ATP7B: variants seen among roughly 807,000 people sequenced by gnomAD.
ATP7B encodes copper-transporting ATPase 2.
In ATP7B, 113 loss-of-function variants were observed where a neutral mutation model predicts 118.9. The ratio of observed to expected loss-of-function variants is 0.95; its 90% CI spans 0.82 to 1.11. ATP7B has a LOEUF of 1.11. Among genes scored for constraint, ATP7B ranks in the 50% most tolerant of loss-of-function variants. The pLI is 0.00. For synonymous variants in ATP7B, 777 were observed against 727.4 expected (o/e 1.07, Z -1.10); for missense variants, 1,867 against 1,871.4 (o/e 1.00, Z 0.04).
At chr13:51,961,130 C>G (rs1312210674) in intron 6 of ATP7B, among the ~76,000 whole-genome samples, 1 of 151,946 alleles carries the variant, frequency 6.6e-6, no homozygotes, top group Admixed American at 6.6e-5. Flanking sequence ...AACTTCCACT[C>G]ATTCTTTGAG....
At chr13:51,939,391 T>C (rs73184304) in intron 16 of ATP7B, among the ~76,000 whole-genome samples, 198 bp from the exon 17 acceptor site, 39 of 152,362 alleles carry the variant, frequency 2.6e-4, no homozygotes, top group African/African-American at 5.3e-4. Context: ...AGCAATATAA[T>C]TGAAATCTTC....
At chr13:51,982,562 G>A (rs576951392) in intron 1 of ATP7B, among the ~76,000 whole-genome samples, 3 of 152,202 alleles carry the variant, frequency 2.0e-5, no homozygotes, top group African/African-American at 7.2e-5. Context: ...TAATAATAAT[G>A]GCCATCTTAC....
chr13:51,993,193 T>C (rs192179679), intron 1 of ATP7B, among the ~76,000 whole-genome samples: 5 of 152,282 alleles, frequency 3.3e-5, no homozygotes, highest in Admixed American at 1.3e-4. Context: ...TTTTTCTTTA[T>C]ACTTTTTTGT....
At chr13:51,996,531 C>G (rs375693075) in intron 1 of ATP7B, among the ~76,000 whole-genome samples, 2 of 152,200 alleles carry the variant, frequency 1.3e-5, no homozygotes, top group South Asian at 2.1e-4. Flanking sequence ...ATCACTCTGT[C>G]TCTCCGTGTT....
At chr13:51,957,337 C>A (rs1958416955) in intron 9 of ATP7B, among the ~76,000 whole-genome samples, 179 bp downstream of exon 9, 1 of 152,218 alleles carries the variant, frequency 6.6e-6, no homozygotes. Context: ...ACCTACAAAT[C>A]TTGCTAGTTT....
intron 1 of ATP7B, among the ~76,000 whole-genome samples, chr13:52,005,806 C>A (rs1395954621): frequency 6.6e-6 from 1 of 152,198 alleles, no homozygotes; most frequent in African/African-American, 2.4e-5. Flanking sequence ...CTATCTTAGT[C>A]CCTTTGTGCC....
chr13:51,973,294 A>C (rs569812167), intron 2 of ATP7B, among the ~76,000 whole-genome samples: 1 of 152,308 alleles, frequency 6.6e-6, no homozygotes, highest in Non-Finnish European at 1.5e-5. Flanking sequence ...TCCAGAAAAG[A>C]AGCCCAAATC....
At chr13:51,954,655 G>A (rs1056171238) in intron 9 of ATP7B, among the ~76,000 whole-genome samples, 1 of 152,154 alleles carries the variant, frequency 6.6e-6, no homozygotes, top group African/African-American at 2.4e-5. Context: ...AGGACACACT[G>A]GGAGCTGGCA....
At chr13:52,005,374 T>C (rs1193149105) in intron 1 of ATP7B, among the ~76,000 whole-genome samples, 1 of 152,208 alleles carries the variant, frequency 6.6e-6, no homozygotes, top group African/African-American at 2.4e-5. Flanking sequence ...AATATCCTAG[T>C]TCATCACTCT....
chr13:51,959,980 G>C, intron 7 of ATP7B, 168 bp downstream of exon 7: 3 of 952,164 alleles, frequency 3.2e-6, no homozygotes, highest in Non-Finnish European at 4.8e-6. Context: ...CCCACCTACT[G>C]GTCATTAAGA....
chr13:51,975,385 C>A (rs1952058691), intron 1 of ATP7B: 2 of 741,248 alleles, frequency 2.7e-6, no homozygotes, highest in Non-Finnish European at 4.9e-6. Flanking sequence ...AACTGTCTGT[C>A]CTCCTTAGTG....
intron 15 of ATP7B, 91 bp downstream of exon 15, chr13:51,942,295 C>G: frequency 6.3e-7 from 1 of 1,588,032 alleles, no homozygotes; most frequent in Non-Finnish European, 8.6e-7. Flanking sequence ...GTCTGCCGCA[C>G]AGCAGAGGCA....
chr13:51,980,906 T>C (rs1259664440), intron 1 of ATP7B, among the ~76,000 whole-genome samples: 2 of 152,230 alleles, frequency 1.3e-5, no homozygotes, highest in Non-Finnish European at 1.5e-5. Context: ...CCCATACAAC[T>C]TAACACATCT....
chr13:51,945,610 G>A (rs4943046), intron 13 of ATP7B, among the ~76,000 whole-genome samples: 86,852 of 151,984 alleles, frequency 0.57, 24,942 homozygotes, highest in Middle Eastern at 0.64. Flanking sequence ...TCCCCAGGAC[G>A]TCAAGCACCA....
rs138758567 is a variant in ATP7B, at chr13:51,992,121, G to A, written c.52-16953C>T. Among the ~76,000 whole-genome samples, 366 of 149,060 alleles carry A rather than the reference G, an allele frequency of 2.5e-3. 2 individuals are homozygous for A. The highest frequency in any genetic ancestry group is 8.5e-3 in the African/African-American group (345 of 40,542). On this transcript the variant is annotated intron_variant, in intron 1 of 20. Transcript: ENST00000242839. ...TTGTACAGAATGTACTCTGCATTGT[G>A]TAAGAAATGTAAAAAAAAAAAAAAA...
At chr13:51,970,100 C>T (rs984089199) in intron 3 of ATP7B, among the ~76,000 whole-genome samples, 1 of 151,998 alleles carries the variant, frequency 6.6e-6, no homozygotes, top group Non-Finnish European at 1.5e-5. Flanking sequence ...ACAGGAACAA[C>T]AAGAAAGAAT....
intron 1 of ATP7B, among the ~76,000 whole-genome samples, chr13:51,991,066 G>A (rs1182791582): frequency 2.0e-5 from 3 of 151,754 alleles, no homozygotes; most frequent in Non-Finnish European, 4.4e-5. Context: ...CCAGCCTGGC[G>A]ACGGAGCGAG....
chr13:51,984,702 CT>C (rs1952571180), intron 1 of ATP7B, among the ~76,000 whole-genome samples: 3 of 152,196 alleles, frequency 2.0e-5, no homozygotes, highest in Admixed American at 2.0e-4. Flanking sequence ...GCTCATCAGA[CT>C]TAACAGCAGA....
intron 9 of ATP7B, among the ~76,000 whole-genome samples, chr13:51,951,275 G>A (rs983265617): frequency 1.3e-5 from 2 of 152,078 alleles, no homozygotes; most frequent in African/African-American, 4.8e-5. Flanking sequence ...AATCAAAGAT[G>A]AGCTCCAAAT....
Sources: gnomAD v4.1 joint callset for allele counts (sites outside exome capture counted in the v4.1 genomes callset) on GRCh38, gnomAD v4.1.1 for gene constraint, MANE v1.5 for transcripts, NCBI Gene and HGNC (gene_info 2026-07-23, HGNC 2026-07-21) for gene names.